Variants in PSMA1 observed in about 807,000 individuals in gnomAD.
PSMA1 encodes the protein proteasome subunit alpha type-1.
PSMA1 carries 3 observed loss-of-function variants against 38.4 expected under a neutral mutation model. The observed-to-expected ratio is 0.08, with a 90% confidence interval of 0.04 to 0.20. PSMA1 has a LOEUF of 0.20. Ranked by LOEUF, PSMA1 falls within the 10% of genes least tolerant of loss-of-function variation. PSMA1 has a pLI of 1.00. For synonymous variants in PSMA1, 101 were observed against 107.1 expected, an observed-to-expected ratio of 0.94 and a Z score of 0.35; for missense variants, 227 against 325.3, an observed-to-expected ratio of 0.70 and a Z score of 2.32.
chr11:14,523,342 C>T (rs924052410), upstream of PSMA1, among the ~76,000 whole-genome samples: 2 of 152,188 alleles, frequency 1.3e-5, no homozygotes, highest in East Asian at 1.9e-4. Context: ...ATGATCATAG[C>T]TCACTGTAAC....
rs527973862 is a variant in PSMA1 at position 14,530,337 on chromosome 11, C to A, written c.22-11296G>T. 2.2e-4 allele frequency among the ~76,000 whole-genome samples: 34 copies of A among 152,280 alleles called. 1 individual carries two copies. The South Asian group carries it at 6.6e-3, about 30-fold the overall frequency. On this transcript the variant is annotated intron_variant, in intron 2 of 10. Transcript: ENST00000418988. ...AAAAACAGTTCCCTTTCCACTCCTGCCACCTTTTTTGGGCAATTTCTACTT... is the reference window on the plus strand; with the variant it reads ...AAAAACAGTTCCCTTTCCACTCCTGACACCTTTTTTGGGCAATTTCTACTT...
chr11:14,596,286 C>A (rs1852492475), intron 2 of PSMA1, among the ~76,000 whole-genome samples: 1 of 152,170 alleles, frequency 6.6e-6, no homozygotes, highest in Non-Finnish European at 1.5e-5. Flanking sequence ...TGAAGAACGT[C>A]ATTGGTAGCT....
intron 2 of PSMA1, among the ~76,000 whole-genome samples, chr11:14,585,161 G>T (rs1258986708): frequency 1.3e-5 from 2 of 152,118 alleles, no homozygotes; most frequent in Non-Finnish European, 2.9e-5. Flanking sequence ...CACTAGGCTC[G>T]ATTGCTTGTT....
At chr11:14,525,127 C>T (rs1024427656), upstream of PSMA1, among the ~76,000 whole-genome samples, 1 of 152,056 alleles carries the variant, frequency 6.6e-6, no homozygotes, top group Non-Finnish European at 1.5e-5. Flanking sequence ...GGCTTCTAAA[C>T]CCCTTAAAAC....
Position 14,513,600 on chromosome 11 carries a change from A to T in PSMA1, c.514T>A (p.Leu172Met), listed in dbSNP as rs1171068142. The T allele has an allele frequency of 6.4e-7, 1 of 1,572,716 alleles. No individual in the cohort carries two copies. The highest frequency in any genetic ancestry group is 1.4e-5 in the African/African-American group (1 of 72,318). Residue 172 changes from leucine (L) to methionine (M), a missense_variant, in exon 7 of 10, where the codon TTG becomes ATG. Coordinates refer to ENST00000396394, the MANE Select transcript of PSMA1 (RefSeq NM_002786.4). ...GARSQSARTY[L>M]ERHMSEFMEC... ...ATAAATTCAGACATATGTCTCTCCA[A>T]GTAAGTACGAGCTGATTGGGAACGG...
chr11:14,520,192 C>T (rs949335979), intron 1 of PSMA1, 105 bp downstream of exon 1: 3 of 1,554,698 alleles, frequency 1.9e-6, no homozygotes, highest in Non-Finnish European at 2.7e-6. Context: ...GGCTCTCATA[C>T]CTCGTGGCAC....
intron 2 of PSMA1, among the ~76,000 whole-genome samples, chr11:14,572,831 A>T (rs1426295355): frequency 6.6e-6 from 1 of 152,224 alleles, no homozygotes; most frequent in Non-Finnish European, 1.5e-5. Flanking sequence ...GATAAAGGGG[A>T]TATTACCACC....
intron 2 of PSMA1, among the ~76,000 whole-genome samples, chr11:14,527,602 G>T (rs949180084): frequency 6.6e-6 from 1 of 152,114 alleles, no homozygotes; most frequent in Non-Finnish European, 1.5e-5. Context: ...CCCCGCCCAG[G>T]ACTGGCAAAT....
At chr11:14,601,351 TA>T (rs1852578312) in intron 2 of PSMA1, among the ~76,000 whole-genome samples, 1 of 152,238 alleles carries the variant, frequency 6.6e-6, no homozygotes, top group South Asian at 2.1e-4. Flanking sequence ...TTCCTGTTCC[TA>T]AACTAAGTTC....
At chr11:14,506,310 A>G (rs1415324483) in intron 9 of PSMA1, among the ~76,000 whole-genome samples, 2 of 152,240 alleles carry the variant, frequency 1.3e-5, no homozygotes, top group Non-Finnish European at 2.9e-5. Flanking sequence ...TGTTTAAAAT[A>G]CAATCAGCAC....
intron 2 of PSMA1, among the ~76,000 whole-genome samples, chr11:14,548,082 A>G (rs1192932525): frequency 6.6e-6 from 1 of 152,148 alleles, no homozygotes; most frequent in Non-Finnish European, 1.5e-5. Flanking sequence ...GATAGCAAAA[A>G]TAATAGCTGA....
chr11:14,629,207 A>G (rs1195561863), intron 1 of PSMA1, among the ~76,000 whole-genome samples: 3 of 152,034 alleles, frequency 2.0e-5, no homozygotes, highest in African/African-American at 7.2e-5. Context: ...TTCTGTTGCC[A>G]TTGCTTTTGG....
intron 2 of PSMA1, among the ~76,000 whole-genome samples, chr11:14,576,227 G>A (rs1852212770): frequency 6.6e-6 from 1 of 152,104 alleles, no homozygotes; most frequent in African/African-American, 2.4e-5. Context: ...CATTCTGTAG[G>A]TTGCCTGTTC....
In PSMA1 at chr11:14,534,831, C is replaced by CA. The variant is rs1218685469; in HGVS notation, c.22-15791dup. On this transcript the variant is annotated intron_variant, in intron 2 of 10. Coordinates refer to the PSMA1 transcript ENST00000418988. This position sits in a 1 kb window ranked among gnomAD's most constrained non-coding sequence, Gnocchi z 4.5. ...GTGCGGTGGCTCACGCCTGTAATCC[C>CA]AGCACTTTGGGAGGCAGGCAGATCT... 6.6e-6 allele frequency among the ~76,000 whole-genome samples: 1 copy of CA among 152,188 alleles called. No homozygotes were observed. The highest frequency in any genetic ancestry group is 2.4e-5 in the African/African-American group (1 of 41,446).
At chr11:14,535,672 C>T (rs545721647) in intron 2 of PSMA1, among the ~76,000 whole-genome samples, 4 of 151,728 alleles carry the variant, frequency 2.6e-5, no homozygotes, top group South Asian at 2.1e-4. Flanking sequence ...CTCGAACTCC[C>T]GATCTCAGGT....
rs1471898944 is a variant in PSMA1 at position 14,540,132 on chromosome 11, C to A, written c.22-21091G>T. 2.6e-4 allele frequency among the ~76,000 whole-genome samples: 40 copies of A among 152,140 alleles called. 2 individuals carry two copies. The highest frequency in any genetic ancestry group is 2.6e-3 in the Admixed American group (40 of 15,280). The stretch of plus-strand genomic sequence containing the variant: ...GTTTCCCTTGACCCTCTCTACCCAC[C>A]CAGCTCTGTTCAGATCTTCACTCCC... On this transcript the variant is annotated intron_variant, in intron 2 of 10. Transcript: ENST00000418988.
At position 14,527,428 on chromosome 11, in the gene PSMA1, G is replaced by C. The variant is rs920977361; in HGVS notation, c.22-8387C>G. ...ATCATTTCATAACCTCTTCCATGTAGGTTGCAAGCTGCTAGCCTGCCTCTT... is the reference window on the plus strand; with the variant it reads ...ATCATTTCATAACCTCTTCCATGTACGTTGCAAGCTGCTAGCCTGCCTCTT... On this transcript the variant is annotated intron_variant, in intron 2 of 10. Coordinates refer to the PSMA1 transcript ENST00000418988. Among the ~76,000 whole-genome samples, 6 of 152,112 alleles carry C rather than the reference G, an allele frequency of 3.9e-5. No homozygotes were observed. The East Asian group carries it at 5.8e-4, about 15-fold the overall frequency.
At chr11:14,624,914 C>T (rs1055939344) in intron 1 of PSMA1, among the ~76,000 whole-genome samples, 22 of 152,108 alleles carry the variant, frequency 1.4e-4, no homozygotes, top group African/African-American at 5.3e-4. Flanking sequence ...CATTACTTGC[C>T]AAGGTGATAG....
chr11:14,590,113 G>A (rs760931102), intron 2 of PSMA1, among the ~76,000 whole-genome samples: 6 of 152,232 alleles, frequency 3.9e-5, no homozygotes, highest in Non-Finnish European at 8.8e-5. Context: ...CATGCTGTAT[G>A]ATTCTACTCA....
Sources: gnomAD v4.1 joint callset for allele counts (sites outside exome capture counted in the v4.1 genomes callset) on GRCh38, gnomAD v4.1.1 for gene constraint, Gnocchi (gnomAD v3.1) non-coding constraint, MANE v1.5 for transcripts, NCBI Gene and HGNC (gene_info 2026-07-23, HGNC 2026-07-21) for gene names.